Variants in SLC6A2 observed in about 807,000 individuals in gnomAD.
SLC6A2 encodes the protein sodium-dependent noradrenaline transporter.
In SLC6A2, 26 loss-of-function variants were observed where a neutral mutation model predicts 71.7. The ratio of observed to expected loss-of-function variants is 0.36; its 90% CI spans 0.27 to 0.50. SLC6A2 has a LOEUF of 0.50. Among genes scored for constraint, SLC6A2 ranks in the 20% least tolerant of loss-of-function variants. The probability of loss-of-function intolerance (pLI) is 0.96; values close to 1 mark genes in which losing one functional copy is unlikely to be tolerated. For missense variants in SLC6A2, 581 were observed against 803.9 expected, an observed-to-expected ratio of 0.72 and a Z score of 3.35; for synonymous variants, 363 against 337.9, an observed-to-expected ratio of 1.07 and a Z score of -0.82.
Position 55,703,157 on chromosome 16 carries a change from T to G in SLC6A2, c.*811T>G. ...GCAAGCCACATCTACTGAGGCCTCA[T>G]GCTGCTCTTGCTCTGTAAGACACGG... On this transcript the variant is annotated 3_prime_UTR_variant, in exon 15 of 15. Transcript: ENST00000568943. The G allele has an allele frequency of 1.0e-6, 1 of 985,628 alleles. No individual in the cohort carries two copies. Among genetic ancestry groups the G allele is most frequent in the South Asian group, 4.7e-5 (1 of 21,296 alleles). The allele number at this position is 985,628 out of a possible 1,614,324, so 61.1% of individuals were successfully genotyped here.
intron 10 of SLC6A2, 149 bp from the exon 11 acceptor site, chr16:55,698,320 A>G (rs949000960): frequency 3.1e-5 from 23 of 731,858 alleles, no homozygotes; most frequent in Non-Finnish European, 4.2e-5. Flanking sequence ...TGTAACGTCA[A>G]TACAACAGCA....
intron 2 of SLC6A2, among the ~76,000 whole-genome samples, chr16:55,662,388 G>C (rs563088545): frequency 6.6e-6 from 1 of 152,268 alleles, no homozygotes; most frequent in East Asian, 1.9e-4. Context: ...CATATGCCAG[G>C]AATATGGAGA....
chr16:55,656,443 A>T lies in SLC6A2; in HGVS notation c.-51-201A>T. The T allele has an allele frequency of 1.7e-6, 1 of 578,224 alleles. No individual in the cohort carries two copies. Among genetic ancestry groups the T allele is most frequent in the Non-Finnish European group, 3.1e-6 (1 of 323,202 alleles). 35.8% of individuals were successfully genotyped at this position (578,224 alleles called of 1,614,324 possible). ...CTTCAGCCGCCCCCAGAGGGCTGTCAGAAGTCTCCAACTCTTGAGTTCCGG... is the reference window on the plus strand; with the variant it reads ...CTTCAGCCGCCCCCAGAGGGCTGTCTGAAGTCTCCAACTCTTGAGTTCCGG... On this transcript the variant is annotated intron_variant, in intron 1 of 14. Coordinates refer to ENST00000568943, the MANE Select transcript of SLC6A2 (RefSeq NM_001172501.3). The surrounding 1 kb of genome is among the most constrained non-coding windows in gnomAD (Gnocchi z 4.5).
chr16:55,674,040 T>C (rs1407918032), intron 4 of SLC6A2, among the ~76,000 whole-genome samples: 1 of 152,204 alleles, frequency 6.6e-6, no homozygotes, highest in African/African-American at 2.4e-5. Flanking sequence ...TTATTTCAAC[T>C]TTCATTTTAG....
At chr16:55,698,365 T>C in intron 10 of SLC6A2, 104 bp from the exon 11 acceptor site, 1 of 841,758 alleles carries the variant, frequency 1.2e-6, no homozygotes, top group Non-Finnish European at 2.0e-6. Flanking sequence ...CAAATAGAGC[T>C]CCGAGCAAGT....
chr16:55,688,949 G>A (rs1965534764), intron 5 of SLC6A2, among the ~76,000 whole-genome samples: 1 of 152,196 alleles, frequency 6.6e-6, no homozygotes, highest in Admixed American at 6.5e-5. Context: ...ATTATCCATA[G>A]AAATACCAGC....
At chr16:55,659,476 G>A (rs367619591) in intron 2 of SLC6A2, among the ~76,000 whole-genome samples, 8 of 152,098 alleles carry the variant, frequency 5.3e-5, no homozygotes, top group South Asian at 4.1e-4. Context: ...ACTTTCTCCC[G>A]GGCTTGCTAT....
At chr16:55,672,274 C>T in intron 4 of SLC6A2, 99 bp downstream of exon 4, 1 of 1,601,112 alleles carries the variant, frequency 6.2e-7, no homozygotes, top group South Asian at 1.1e-5. Context: ...AGACGCATGC[C>T]GTCAGGATAT....
chr16:55,673,357 C>T (rs73544099), intron 4 of SLC6A2, among the ~76,000 whole-genome samples: 7,184 of 152,242 alleles, frequency 0.047, 477 homozygotes, highest in African/African-American at 0.14. Flanking sequence ...GACTGCCAGC[C>T]TCCTCCTGTG....
rs764810786 is a variant in SLC6A2, at chr16:55,695,410, G to A, written c.1147+8G>A. On this transcript the variant is annotated splice_region_variant and intron_variant, in intron 8 of 14. Transcript: ENST00000568943. ...AGGATGTGGCCACAGAAGGTGGGTGGGCAGCCCACCTGGGCCCCAGCCCAC... is the reference window on the plus strand; with the variant it reads ...AGGATGTGGCCACAGAAGGTGGGTGAGCAGCCCACCTGGGCCCCAGCCCAC... 3 of 1,613,974 alleles carry A rather than the reference G, an allele frequency of 1.9e-6. No individual in the cohort carries two copies. Among genetic ancestry groups the A allele is most frequent in the Admixed American group, 1.7e-5 (1 of 60,014 alleles).
intron 5 of SLC6A2, among the ~76,000 whole-genome samples, chr16:55,687,923 CAG>C (rs1965505487): frequency 6.6e-6 from 1 of 152,172 alleles, no homozygotes; most frequent in Non-Finnish European, 1.5e-5. Context: ...AGGGGCGAAC[CAG>C]AGTGTTACAC....
At chr16:55,680,042 T>A (rs1485980736) in intron 4 of SLC6A2, among the ~76,000 whole-genome samples, 1 of 152,166 alleles carries the variant, frequency 6.6e-6, no homozygotes, top group Non-Finnish European at 1.5e-5. Flanking sequence ...ACCAAAAATA[T>A]CTCTCTAGAC....
rs1596955884 is a variant in SLC6A2 at position 55,666,607 on chromosome 16, G to T, written c.275-2958G>T. ...TTCCACCTGAATGAAGCTTTGGCTG[G>T]CCCACATCAAATGCACTCACAGAGA... is the stretch of plus-strand genomic sequence containing the variant. On this transcript the variant is annotated intron_variant, in intron 2 of 14. Transcript: ENST00000568943. 2.0e-5 allele frequency among the ~76,000 whole-genome samples: 3 copies of T among 152,084 alleles called. No homozygotes were observed. In the South Asian group the frequency reaches 6.2e-4, roughly 32 times the overall value.
chr16:55,670,143 A>G (rs1964865528), intron 3 of SLC6A2, among the ~76,000 whole-genome samples: 1 of 152,226 alleles, frequency 6.6e-6, no homozygotes, highest in Non-Finnish European at 1.5e-5. Context: ...CATGAAGCCT[A>G]CTTGCATTTG....
intron 3 of SLC6A2, 133 bp from the exon 4 acceptor site, chr16:55,671,805 G>C: frequency 6.7e-7 from 1 of 1,501,406 alleles, no homozygotes; most frequent in Non-Finnish European, 8.9e-7. Context: ...GTGCTGAAAA[G>C]GTTGGGGACC....
intron 3 of SLC6A2, 116 bp downstream of exon 3, chr16:55,669,812 G>A: frequency 1.7e-6 from 2 of 1,178,636 alleles, no homozygotes; most frequent in Non-Finnish European, 2.5e-6. Flanking sequence ...GGGATTCACA[G>A]GTATTGACAA....
chr16:55,672,244 A>C, intron 4 of SLC6A2, 69 bp downstream of exon 4: 1 of 1,613,624 alleles, frequency 6.2e-7, no homozygotes, highest in Non-Finnish European at 8.5e-7. Context: ...CCAAACACTA[A>C]GGAAAGTCAC....
At chr16:55,675,766 G>A (rs866044829) in intron 4 of SLC6A2, among the ~76,000 whole-genome samples, 2 of 141,728 alleles carry the variant, frequency 1.4e-5, no homozygotes, top group African/African-American at 5.3e-5. Context: ...ATTGGGCAGT[G>A]CAAAAAAGTG....
intron 8 of SLC6A2, 29 bp from the exon 9 acceptor site, chr16:55,696,196 A>G (rs1263001436): frequency 7.4e-7 from 1 of 1,360,082 alleles, no homozygotes; most frequent in African/African-American, 1.4e-5. Context: ...GGTTTCAGCC[A>G]TTGATGAGGT....
Sources: gnomAD v4.1 joint callset for allele counts (sites outside exome capture counted in the v4.1 genomes callset) on GRCh38, gnomAD v4.1.1 for gene constraint, Gnocchi (gnomAD v3.1) non-coding constraint, MANE v1.5 for transcripts, NCBI Gene and HGNC (gene_info 2026-07-23, HGNC 2026-07-21) for gene names.